NRXN3: variants seen among roughly 807,000 people sequenced by gnomAD.
The protein encoded by NRXN3 is neurexin 3, also known as neurexin III.
NRXN3 carries 32 observed loss-of-function variants against 137.6 expected under a neutral mutation model. The observed-to-expected ratio is 0.23, with a 90% CI of 0.18 to 0.31. The LOEUF (loss-of-function observed/expected upper bound fraction) is 0.31. NRXN3 is among the 10% of genes least tolerant of loss of function. The pLI, the probability that NRXN3 is intolerant of heterozygous loss-of-function variation, is 1.00. For missense variants in NRXN3, 1,574 were observed against 2,062.5 expected (o/e 0.76, Z 4.59); for synonymous variants, 798 against 784.5 (o/e 1.02, Z -0.29).
intron 20 of NRXN3, among the ~76,000 whole-genome samples, chr14:79,809,875 C>T (rs1377934118): frequency 2.0e-5 from 3 of 152,024 alleles, no homozygotes; most frequent in East Asian, 3.9e-4. Context: ...TTCAAATAAC[C>T]CCTAGGAAAA....
chr14:78,521,277 T>C lies in NRXN3; in HGVS notation c.758-123843T>C, dbSNP rs547280123. Among the ~76,000 whole-genome samples, 38 of 152,310 alleles carry C rather than the reference T, an allele frequency of 2.5e-4. No individual in the cohort carries two copies. The South Asian group carries it at 7.5e-3, about 30-fold the overall frequency. On this transcript the variant is annotated intron_variant, in intron 4 of 20. Transcript: ENST00000335750. ...TAAGCCAATTAGAAAATAATTGCTG[T>C]TACTCTGCTTGGCCCATCTTTCTTG...
intron 15 of NRXN3, among the ~76,000 whole-genome samples, chr14:79,036,692 C>T (rs565297838): frequency 1.4e-5 from 2 of 140,438 alleles, no homozygotes; most frequent in African/African-American, 5.2e-5. Flanking sequence ...TTTATGATAA[C>T]GACAGTCCCG....
chr14:78,744,138 G>A (rs2098595852), intron 8 of NRXN3, among the ~76,000 whole-genome samples: 1 of 152,078 alleles, frequency 6.6e-6, no homozygotes, highest in African/African-American at 2.4e-5. Flanking sequence ...TATCCTGCAG[G>A]TTTTTTGTTT....
intron 10 of NRXN3, among the ~76,000 whole-genome samples, chr14:78,906,357 T>C (rs993286727): frequency 9.2e-5 from 14 of 151,978 alleles, no homozygotes; most frequent in Non-Finnish European, 2.1e-4. Context: ...ATTTCCCATA[T>C]CTACTTCCTC....
At chr14:79,762,238 G>A (rs1458329720) in intron 19 of NRXN3, among the ~76,000 whole-genome samples, 1 of 151,650 alleles carries the variant, frequency 6.6e-6, no homozygotes, top group African/African-American at 2.4e-5. Context: ...GGTTATGGCA[G>A]TATATTCCTT....
At chr14:78,702,451 C>CTTTTCTTTTTCTTT (rs151197180) in intron 6 of NRXN3, among the ~76,000 whole-genome samples, 1 of 122,702 alleles carries the variant, frequency 8.1e-6, no homozygotes, top group Non-Finnish European at 1.7e-5. Flanking sequence ...TTTTTCTTTT[C>CTTTTCTTTTTCTTT]TTATTTTTTT....
At chr14:78,564,655 G>A (rs577590292) in intron 4 of NRXN3, among the ~76,000 whole-genome samples, 4 of 152,190 alleles carry the variant, frequency 2.6e-5, no homozygotes, top group South Asian at 4.2e-4. Context: ...AAGGTCCTTC[G>A]ATCTGGTCTG....
intron 15 of NRXN3, among the ~76,000 whole-genome samples, chr14:78,990,361 A>ATTTTTTTTTT (rs1163720240): frequency 3.9e-5 from 3 of 76,060 alleles, no homozygotes; most frequent in Admixed American, 2.0e-4. Flanking sequence ...GTTCACATCT[A>ATTTTTTTTTT]TTTTTTTTTT....
At chr14:78,614,585 G>A (rs2097330030) in intron 4 of NRXN3, among the ~76,000 whole-genome samples, 1 of 151,560 alleles carries the variant, frequency 6.6e-6, no homozygotes. Flanking sequence ...GAGACCTGTG[G>A]GCTCTTAAAG....
chr14:79,547,397 C>T (rs1282299385), intron 16 of NRXN3, among the ~76,000 whole-genome samples: 1 of 152,190 alleles, frequency 6.6e-6, no homozygotes, highest in African/African-American at 2.4e-5. Context: ...GCTAACTCCA[C>T]ACACACATGA....
chr14:79,183,972 T>C (rs530252254), intron 15 of NRXN3, among the ~76,000 whole-genome samples: 1 of 151,230 alleles, frequency 6.6e-6, no homozygotes, highest in Non-Finnish European at 1.5e-5. Flanking sequence ...CCACAGAGAG[T>C]CTTTCCACAA....
intron 15 of NRXN3, among the ~76,000 whole-genome samples, chr14:79,328,846 T>A (rs1018371924): frequency 6.6e-6 from 1 of 152,212 alleles, no homozygotes. Flanking sequence ...TTTATTTATT[T>A]CACTTCTTGA....
intron 15 of NRXN3, among the ~76,000 whole-genome samples, chr14:79,128,343 T>C (rs2056891861): frequency 1.4e-5 from 2 of 146,990 alleles, no homozygotes; most frequent in South Asian, 4.6e-4. Context: ...TATTTTGAGA[T>C]ACGTCCCATC....
intron 4 of NRXN3, among the ~76,000 whole-genome samples, chr14:78,558,072 C>T (rs1431267981): frequency 6.6e-6 from 1 of 152,186 alleles, no homozygotes; most frequent in Non-Finnish European, 1.5e-5. Flanking sequence ...GGTAGAGCAG[C>T]ATTTGAACCT....
intron 15 of NRXN3, 169 bp downstream of exon 15, chr14:78,988,310 A>G: frequency 1.2e-6 from 1 of 802,606 alleles, no homozygotes; most frequent in Non-Finnish European, 2.1e-6. Context: ...AAGAGTGAAG[A>G]GATGTGTCTT....
At chr14:79,685,385 A>T (rs569710088) in intron 17 of NRXN3, among the ~76,000 whole-genome samples, 4 of 152,340 alleles carry the variant, frequency 2.6e-5, no homozygotes, top group African/African-American at 9.6e-5. Context: ...CATTGAAATC[A>T]ACTACTGTAG....
chr14:79,424,958 A>T (rs2095633042), intron 15 of NRXN3, among the ~76,000 whole-genome samples: 1 of 152,236 alleles, frequency 6.6e-6, no homozygotes, highest in Non-Finnish European at 1.5e-5. Context: ...ATTGGCAGCA[A>T]GCTGACTAAC....
intron 16 of NRXN3, among the ~76,000 whole-genome samples, chr14:79,612,888 G>T (rs1347431561): frequency 6.6e-6 from 1 of 152,134 alleles, no homozygotes; most frequent in Non-Finnish European, 1.5e-5. Flanking sequence ...ATGCTAAAAT[G>T]AACCAAATCT....
At chr14:78,741,896 C>T (rs977197455) in intron 8 of NRXN3, among the ~76,000 whole-genome samples, 3 of 152,060 alleles carry the variant, frequency 2.0e-5, no homozygotes, top group African/African-American at 4.8e-5. Context: ...GATAATCTTC[C>T]CCAGCCTTTC....
Sources: gnomAD v4.1 joint callset for allele counts (sites outside exome capture counted in the v4.1 genomes callset) on GRCh38, gnomAD v4.1.1 for gene constraint, MANE v1.5 for transcripts, NCBI Gene and HGNC (gene_info 2026-07-23, HGNC 2026-07-21) for gene names.